The following SLC60A1 variants were observed in gnomAD, a reference collection of about 807,000 sequenced individuals.
SLC60A1 encodes solute carrier family 60 member 1, also known as major facilitator superfamily domain containing 4.
At chr1:205,579,775 G>C in the SLC60A1 span, 21 of 1,613,964 alleles carry the variant, frequency 1.3e-5, no homozygotes, top group Non-Finnish European at 1.8e-5. Context: ...TATGGGCCCT[G>C]TTCACCTCCT....
the SLC60A1 span, among the ~76,000 whole-genome samples, chr1:205,590,686 G>A: frequency 6.6e-6 from 1 of 152,212 alleles, no homozygotes; most frequent in Non-Finnish European, 1.5e-5. Context: ...CAGAAGTGGA[G>A]GGGTTGGGAG....
the SLC60A1 span, chr1:205,579,736 C>T: frequency 5.6e-6 from 9 of 1,613,790 alleles, no homozygotes; most frequent in Non-Finnish European, 2.5e-6. Flanking sequence ...CTGACATCAC[C>T]CTTCCCTCCT....
At chr1:205,589,947 C>T in the SLC60A1 span, among the ~76,000 whole-genome samples, 2 of 152,098 alleles carry the variant, frequency 1.3e-5, no homozygotes, top group South Asian at 2.1e-4. Context: ...TTGTTGCTGA[C>T]CCAGGTGTGG....
chr1:205,588,013 A>T, the SLC60A1 span, among the ~76,000 whole-genome samples: 1 of 152,214 alleles, frequency 6.6e-6, no homozygotes, highest in African/African-American at 2.4e-5. Flanking sequence ...TCCTGGGCCC[A>T]ACCCAGACTG....
the SLC60A1 span, among the ~76,000 whole-genome samples, chr1:205,576,152 C>A: frequency 1.3e-5 from 2 of 152,244 alleles, 1 homozygote; most frequent in African/African-American, 4.8e-5. Context: ...GTTCCTGGGC[C>A]AGCCTCCCAG....
the SLC60A1 span, among the ~76,000 whole-genome samples, chr1:205,593,820 G>A: frequency 6.6e-6 from 1 of 152,168 alleles, no homozygotes; most frequent in South Asian, 2.1e-4. Flanking sequence ...GATCCCTTCT[G>A]AGCTTGTGAG....
the SLC60A1 span, among the ~76,000 whole-genome samples, chr1:205,596,107 T>G: frequency 6.6e-6 from 1 of 151,988 alleles, no homozygotes; most frequent in Non-Finnish European, 1.5e-5. Context: ...GAATGTGAAG[T>G]CCAGAGTAGA....
At chr1:205,572,142 C>T in the SLC60A1 span, among the ~76,000 whole-genome samples, 11 of 152,078 alleles carry the variant, frequency 7.2e-5, no homozygotes, top group Non-Finnish European at 1.5e-4. Flanking sequence ...CACCAGCTTG[C>T]TCACTCTCTC....
At chr1:205,592,358 T>G in the SLC60A1 span, 1 of 1,367,036 alleles carries the variant, frequency 7.3e-7, no homozygotes, top group South Asian at 1.7e-5. Flanking sequence ...CTGCCCTGTC[T>G]CTCTGTGCTC....
the SLC60A1 span, among the ~76,000 whole-genome samples, chr1:205,582,377 T>C: frequency 6.6e-6 from 1 of 152,244 alleles, no homozygotes; most frequent in Non-Finnish European, 1.5e-5. Context: ...CGGAGGAAGA[T>C]GGGCTGTGCA....
the SLC60A1 span, among the ~76,000 whole-genome samples, chr1:205,581,898 G>A: frequency 1.3e-5 from 2 of 152,204 alleles, no homozygotes; most frequent in Non-Finnish European, 2.9e-5. This position sits in a 1 kb window ranked among gnomAD's most constrained non-coding sequence, Gnocchi z 4.2. Context: ...AAGGGTGGGG[G>A]TGTCATGCCA....
the SLC60A1 span, chr1:205,580,917 T>C: frequency 1.2e-6 from 2 of 1,612,998 alleles, no homozygotes; most frequent in Non-Finnish European, 1.7e-6. This position sits in a 1 kb window ranked among gnomAD's most constrained non-coding sequence, Gnocchi z 5.0. Context: ...ATGGCCCTCA[T>C]CAATGTGAGT....
the SLC60A1 span, among the ~76,000 whole-genome samples, chr1:205,596,278 C>G: frequency 3.6e-4 from 55 of 152,240 alleles, no homozygotes; most frequent in African/African-American, 1.3e-3. Flanking sequence ...GGTCAACAGA[C>G]AGTGTGGTGA....
chr1:205,593,394 C>A, the SLC60A1 span, among the ~76,000 whole-genome samples: 2 of 115,354 alleles, frequency 1.7e-5, 1 homozygote. Context: ...TGGCGTGAAC[C>A]CAGGAGGTGG....
At chr1:205,598,995 C>T in the SLC60A1 span, 120 of 1,176,306 alleles carry the variant, frequency 1.0e-4, 1 homozygote, top group South Asian at 1.5e-3. Flanking sequence ...CCCTCCTCCC[C>T]GTGATTCCAT....
the SLC60A1 span, chr1:205,597,496 C>T: frequency 4.1e-5 from 11 of 269,454 alleles, no homozygotes; most frequent in Non-Finnish European, 7.3e-5. Context: ...TCGAGGGACC[C>T]TCCTACCTTA....
chr1:205,584,721 CAG>C, the SLC60A1 span, among the ~76,000 whole-genome samples: 6 of 151,914 alleles, frequency 3.9e-5, no homozygotes, highest in Non-Finnish European at 7.4e-5. Context: ...GGGAGATGGA[CAG>C]GGGTTATTCC....
the SLC60A1 span, among the ~76,000 whole-genome samples, chr1:205,589,238 C>T: frequency 1.1e-4 from 17 of 152,152 alleles, no homozygotes; most frequent in African/African-American, 3.4e-4. Flanking sequence ...AAGGTGCCAG[C>T]CCCTGAAGGC....
the SLC60A1 span, among the ~76,000 whole-genome samples, chr1:205,577,808 T>C: frequency 6.6e-6 from 1 of 152,226 alleles, no homozygotes; most frequent in East Asian, 1.9e-4. The surrounding 1 kb of genome is among the most constrained non-coding windows in gnomAD (Gnocchi z 5.2). Flanking sequence ...CCAGAAGACC[T>C]TGGTTAGAGT....
Sources: gnomAD v4.1 joint callset for allele counts (sites outside exome capture counted in the v4.1 genomes callset) on GRCh38, gnomAD v4.1.1 for gene constraint, Gnocchi (gnomAD v3.1) non-coding constraint, MANE v1.5 for transcripts, NCBI Gene and HGNC (gene_info 2026-07-23, HGNC 2026-07-21) for gene names.